Variants in RFX3 observed in about 807,000 individuals in gnomAD.
RFX3 encodes regulatory factor X3, also known as transcription factor RFX3.
In RFX3, 14 loss-of-function variants were observed where a neutral mutation model predicts 98.6. The observed-to-expected ratio is 0.14, with a 90% CI of 0.09 to 0.22. The LOEUF (loss-of-function observed/expected upper bound fraction) is 0.22. Among genes scored for constraint, RFX3 ranks in the 10% least tolerant of loss-of-function variants. RFX3 has a pLI of 1.00. For missense variants in RFX3, 639 were observed against 926.9 expected (o/e 0.69, Z 4.03); for synonymous variants, 383 against 328.4 (o/e 1.17, Z -1.80).
intron 2 of RFX3, among the ~76,000 whole-genome samples, chr9:3,384,879 C>T (rs893404642): frequency 6.6e-6 from 1 of 152,284 alleles, no homozygotes; most frequent in East Asian, 1.9e-4. Flanking sequence ...GGTCTTCATA[C>T]ACTCACTTCC....
chr9:3,523,097 C>A lies in RFX3; in HGVS notation c.-9+2650G>T, dbSNP rs77183578. Among the ~76,000 whole-genome samples, 824 of 152,180 alleles carry A rather than the reference C, an allele frequency of 5.4e-3. 3 individuals carry two copies. Among genetic ancestry groups the A allele is most frequent in the African/African-American group, 0.019 (787 of 41,542 alleles). ...ATGTGTATATGTATGATGCCTACAC[C>A]ATTTAATACAATTCATAGGCAAAAC... On this transcript the variant is annotated intron_variant, in intron 1 of 16. Coordinates refer to ENST00000617270, the MANE Select transcript of RFX3 (RefSeq NM_001282116.2).
intron 15 of RFX3, among the ~76,000 whole-genome samples, chr9:3,246,504 G>A (rs1054547266): frequency 4.9e-4 from 75 of 152,180 alleles, no homozygotes; most frequent in African/African-American, 1.4e-3. Flanking sequence ...GAGAATCCCC[G>A]CCATCATTAT....
chr9:3,249,334 C>T (rs1455204959), intron 14 of RFX3, among the ~76,000 whole-genome samples: 1 of 152,136 alleles, frequency 6.6e-6, no homozygotes, highest in Admixed American at 6.5e-5. Flanking sequence ...ATCTGAAACA[C>T]AGAAGCCTTG....
chr9:3,291,389 CAAAAACAAAA>C (rs1344462830), intron 6 of RFX3, among the ~76,000 whole-genome samples: 5,145 of 121,494 alleles, frequency 0.042, 299 homozygotes, highest in African/African-American at 0.13. Flanking sequence ...AAAACAAAAA[CAAAAACAAAA>C]CAAAACAAAA....
intron 3 of RFX3, among the ~76,000 whole-genome samples, chr9:3,345,947 AAG>A (rs1834400641): frequency 6.6e-6 from 1 of 152,208 alleles, no homozygotes; most frequent in African/African-American, 2.4e-5. Flanking sequence ...AGGTGGGCAG[AAG>A]AGTCAGTGAG....
intron 1 of RFX3, chr9:3,452,398 T>C (rs1302272185): frequency 6.5e-6 from 2 of 308,896 alleles, no homozygotes; most frequent in Non-Finnish European, 1.4e-5. Flanking sequence ...CAAGTCCAGC[T>C]TGGGCAACAT....
At chr9:3,305,565 G>T (rs1037376326) in intron 4 of RFX3, among the ~76,000 whole-genome samples, 3 of 151,830 alleles carry the variant, frequency 2.0e-5, no homozygotes, top group Non-Finnish European at 4.4e-5. Context: ...GCAGAAATGG[G>T]GAAGAAGAGT....
chr9:3,496,400 A>G (rs1487059791), intron 1 of RFX3, among the ~76,000 whole-genome samples: 1 of 152,004 alleles, frequency 6.6e-6, no homozygotes, highest in Non-Finnish European at 1.5e-5. Flanking sequence ...CCAATACTGA[A>G]AATGACTTAA....
intron 1 of RFX3, among the ~76,000 whole-genome samples, chr9:3,485,891 G>A (rs1487781103): frequency 2.0e-5 from 3 of 152,112 alleles, no homozygotes; most frequent in East Asian, 1.9e-4. Flanking sequence ...TTGGGAGGCC[G>A]AGGTGGGCGG....
chr9:3,419,315 C>T (rs1002422568), intron 1 of RFX3, among the ~76,000 whole-genome samples: 7 of 152,096 alleles, frequency 4.6e-5, no homozygotes, highest in Non-Finnish European at 7.4e-5. Context: ...TTCCAAGTAT[C>T]AAAAGGACAA....
intron 3 of RFX3, among the ~76,000 whole-genome samples, chr9:3,344,402 G>C (rs989790714): frequency 2.0e-5 from 3 of 152,140 alleles, no homozygotes; most frequent in African/African-American, 7.2e-5. Flanking sequence ...TGAAATGCAT[G>C]ATGAGTACTT....
At chr9:3,507,650 C>G (rs777127037) in intron 1 of RFX3, among the ~76,000 whole-genome samples, 5 of 151,884 alleles carry the variant, frequency 3.3e-5, no homozygotes, top group Non-Finnish European at 5.9e-5. Flanking sequence ...GTGCCCAACT[C>G]TCTTATATAA....
chr9:3,236,925 G>C (rs1482896562), intron 15 of RFX3, among the ~76,000 whole-genome samples: 1 of 152,168 alleles, frequency 6.6e-6, no homozygotes. Flanking sequence ...TTTGCTCTAG[G>C]AAAGAAGATT....
At chr9:3,320,977 C>T (rs1216724913) in intron 4 of RFX3, among the ~76,000 whole-genome samples, 1 of 142,518 alleles carries the variant, frequency 7.0e-6, no homozygotes, top group East Asian at 2.0e-4. Context: ...TCTTGGCCCA[C>T]TGCAAACTCC....
At chr9:3,330,627 C>T in intron 3 of RFX3, 110 bp from the exon 4 acceptor site, 1 of 1,021,894 alleles carries the variant, frequency 9.8e-7, no homozygotes, top group Non-Finnish European at 1.4e-6. Context: ...GCCTTTGCAA[C>T]ATGGCAAGTT....
chr9:3,403,834 G>C (rs531117173), intron 1 of RFX3, among the ~76,000 whole-genome samples: 1 of 152,110 alleles, frequency 6.6e-6, no homozygotes, highest in Non-Finnish European at 1.5e-5. Flanking sequence ...GCACCAAACA[G>C]AGTTTCCTTT....
At chr9:3,421,620 T>C (rs1843446844) in intron 1 of RFX3, among the ~76,000 whole-genome samples, 1 of 152,184 alleles carries the variant, frequency 6.6e-6, no homozygotes, top group African/African-American at 2.4e-5. Context: ...ATTCATTTGG[T>C]TATCCCATTA....
At position 3,228,861 on chromosome 9, in the gene RFX3, C is replaced by T; in HGVS notation, c.1997G>A (p.Gly666Glu). Residue 666 changes from glycine (G) to glutamate (E), a missense_variant, in exon 16 of 17, where the codon GGA (glycine) becomes GAA (glutamate). Coordinates refer to ENST00000617270, the MANE Select transcript of RFX3 (RefSeq NM_001282116.2). The part of the protein sequence containing the change: ...EFGDLNAVSP[G>E]NLDKDEGSEV... ...TCGATTCTTACCTTTATCCAGATTT[C>T]CAGGAGACACGGCATTTAAATCACC... 6.2e-7 allele frequency: 1 copy of T among 1,610,264 alleles called. No individual in the cohort carries two copies. The highest frequency in any genetic ancestry group is 1.1e-5 in the South Asian group (1 of 90,146).
intron 2 of RFX3, among the ~76,000 whole-genome samples, chr9:3,390,763 T>C (rs1336894460): frequency 6.6e-6 from 1 of 152,130 alleles, no homozygotes; most frequent in African/African-American, 2.4e-5. Flanking sequence ...TGTTCCCCCT[T>C]GCCTTCTGCC....
Sources: gnomAD v4.1 joint callset for allele counts (sites outside exome capture counted in the v4.1 genomes callset) on GRCh38, gnomAD v4.1.1 for gene constraint, MANE v1.5 for transcripts, NCBI Gene and HGNC (gene_info 2026-07-23, HGNC 2026-07-21) for gene names.